The following CFAP20 variants were observed in gnomAD, a reference collection of about 807,000 sequenced individuals.
CFAP20 encodes cilia and flagella associated protein 20, also known as cilia- and flagella-associated protein 20.
In CFAP20, 14 loss-of-function variants were observed where a neutral mutation model predicts 25.5. The ratio of observed to expected loss-of-function variants is 0.55; its 90% CI spans 0.36 to 0.86. CFAP20 has a LOEUF of 0.86. CFAP20 is among the 40% of genes least tolerant of loss of function. The pLI, the probability that CFAP20 is intolerant of heterozygous loss-of-function variation, is 0.01. For missense variants in CFAP20, 181 were observed against 248.0 expected (o/e 0.73, Z 1.81); for synonymous variants, 75 against 91.1 (o/e 0.82, Z 1.01).
rs1038935437 is a variant in CFAP20 at position 58,115,169 on chromosome 16, C to G, written c.465+100G>C. 6.0e-6 allele frequency: 9 copies of G among 1,504,594 alleles called. No homozygotes were observed. In the Admixed American group the frequency reaches 8.4e-5, roughly 14 times the overall value. 93.2% of individuals were successfully genotyped at this position (1,504,594 alleles called of 1,614,324 possible). A position where few individuals can be genotyped will look rare whatever the true frequency, so the allele number is the denominator to read the frequency against. On this transcript the variant is annotated intron_variant, in intron 4 of 5. Coordinates refer to ENST00000262498, the MANE Select transcript of CFAP20 (RefSeq NM_013242.3). ...TCCCTGGACAGTGTGGCAACTGAAG[C>G]CAGAAACCCACACTGTTCTGCTATG...
Position 58,115,255 on chromosome 16 carries a change from GA to G in CFAP20, c.465+13del. ...ATCCCCAACCCAGGGCTCTATCTGG[GA>G]AAGGAGCAGTACCTGCACTCTGAGG... On this transcript the variant is annotated intron_variant, in intron 4 of 5. Transcript: ENST00000262498. The G allele has an allele frequency of 6.2e-7, 1 of 1,614,072 alleles. No individual in the cohort carries two copies. The highest frequency in any genetic ancestry group is 1.3e-5 in the African/African-American group (1 of 75,032).
In CFAP20 at chr16:58,129,351, G is replaced by T. The variant is rs776142038; in HGVS notation, c.-236C>A. 2 of 499,080 alleles carry T rather than the reference G, an allele frequency of 4.0e-6. No individual in the cohort carries two copies. The highest frequency in any genetic ancestry group is 1.9e-5 in the African/African-American group (1 of 51,416). The allele number at this position is 499,080 out of a possible 1,614,324, so 30.9% of individuals were successfully genotyped here. A position where few individuals can be genotyped will look rare whatever the true frequency, so the allele number is the denominator to read the frequency against. ...CAGAACGGAAACCACAGCAACTACCGTCCGCGCCGCGGTATTTCCCCGCCT... is the reference window on the plus strand; with the variant it reads ...CAGAACGGAAACCACAGCAACTACCTTCCGCGCCGCGGTATTTCCCCGCCT... On this transcript the variant is annotated 5_prime_UTR_variant, in exon 1 of 6. Coordinates refer to ENST00000262498, the MANE Select transcript of CFAP20 (RefSeq NM_013242.3).
At chr16:58,117,174 C>T (rs1383165885) in intron 1 of CFAP20, 1 of 539,088 alleles carries the variant, frequency 1.9e-6, no homozygotes, top group African/African-American at 1.9e-5. Context: ...GGAAACTTCT[C>T]CCCAAATACA....
intron 1 of CFAP20, among the ~76,000 whole-genome samples, chr16:58,122,246 AC>A (rs1450234695): frequency 6.6e-6 from 1 of 152,228 alleles, no homozygotes; most frequent in Admixed American, 6.5e-5. Context: ...CAGCGTAAGG[AC>A]AATTATGTGC....
intron 1 of CFAP20, among the ~76,000 whole-genome samples, chr16:58,121,183 T>G (rs1344212855): frequency 6.6e-6 from 1 of 152,178 alleles, no homozygotes; most frequent in African/African-American, 2.4e-5. Context: ...CATGTGGCTG[T>G]CATTGCCTAA....
At chr16:58,124,632 A>G (rs1156981596) in intron 1 of CFAP20, among the ~76,000 whole-genome samples, 1 of 152,244 alleles carries the variant, frequency 6.6e-6, no homozygotes, top group Non-Finnish European at 1.5e-5. Context: ...AAGGTACAGT[A>G]CTGTATAAAC....
intron 1 of CFAP20, among the ~76,000 whole-genome samples, chr16:58,124,617 T>C (rs1236192184): frequency 1.3e-5 from 2 of 152,110 alleles, no homozygotes; most frequent in East Asian, 1.9e-4. Context: ...TGTCTAAACA[T>C]AGAAAAGGTA....
chr16:58,126,737 G>T (rs1452863689), intron 1 of CFAP20, among the ~76,000 whole-genome samples: 1 of 152,194 alleles, frequency 6.6e-6, no homozygotes, highest in African/African-American at 2.4e-5. Flanking sequence ...CACAAAGCCT[G>T]TCACTAAGCT....
chr16:58,127,775 T>C (rs1960637618), intron 1 of CFAP20, among the ~76,000 whole-genome samples: 2 of 152,174 alleles, frequency 1.3e-5, no homozygotes, highest in South Asian at 4.1e-4. Context: ...AACTATCTTA[T>C]GAAAGTAACA....
intron 1 of CFAP20, among the ~76,000 whole-genome samples, chr16:58,118,918 C>G (rs574963093): frequency 6.6e-6 from 1 of 152,230 alleles, no homozygotes; most frequent in South Asian, 2.1e-4. Flanking sequence ...CAGGAGACAT[C>G]AGAAAGACAA....
chr16:58,125,018 TTA>T (rs2142369945), intron 1 of CFAP20, among the ~76,000 whole-genome samples: 1 of 152,376 alleles, frequency 6.6e-6, no homozygotes, highest in African/African-American at 2.4e-5. Context: ...TTAAAAACTT[TTA>T]GACTATTTTG....
intron 1 of CFAP20, among the ~76,000 whole-genome samples, chr16:58,127,162 A>G (rs1960626297): frequency 6.6e-6 from 1 of 152,208 alleles, no homozygotes; most frequent in Non-Finnish European, 1.5e-5. Flanking sequence ...ACAGTGCACC[A>G]TGGTTACTAT....
chr16:58,117,023 C>A, intron 1 of CFAP20, 72 bp from the exon 2 acceptor site: 2 of 1,424,090 alleles, frequency 1.4e-6, no homozygotes, highest in African/African-American at 1.4e-5. Context: ...AAGAAAACCA[C>A]GGTAGCCCAA....
chr16:58,117,910 A>G (rs1960480684), intron 1 of CFAP20, among the ~76,000 whole-genome samples: 1 of 152,198 alleles, frequency 6.6e-6, no homozygotes, highest in Admixed American at 6.5e-5. Context: ...TCTGTGCCAC[A>G]CACAGATGCC....
At position 58,116,156 on chromosome 16, in the gene CFAP20, T is replaced by C. The variant is rs377474377; in HGVS notation, c.165-4A>G. ...AGGGCATGTGATATATGTGGTGCTG[T>C]AGAGAGAGGAAATACTAATAAACAC... is the stretch of plus-strand genomic sequence containing the variant. On this transcript the variant is annotated splice_polypyrimidine_tract_variant and splice_region_variant and intron_variant, in intron 2 of 5. Coordinates refer to ENST00000262498, the MANE Select transcript of CFAP20 (RefSeq NM_013242.3). 3.7e-4 allele frequency: 588 copies of C among 1,592,674 alleles called. 1 individual carries two copies. The highest frequency in any genetic ancestry group is 1.5e-3 in the South Asian group (140 of 90,658).
chr16:58,115,618 G>GCC, intron 3 of CFAP20, 161 bp from the exon 4 acceptor site: 2 of 779,822 alleles, frequency 2.6e-6, no homozygotes, highest in Non-Finnish European at 4.1e-6. Context: ...CATGCAGATG[G>GCC]CCCGGAAGTA....
At chr16:58,128,774 C>T (rs951094033) in intron 1 of CFAP20, among the ~76,000 whole-genome samples, 5 of 152,016 alleles carry the variant, frequency 3.3e-5, no homozygotes, top group Non-Finnish European at 7.4e-5. Flanking sequence ...GGTCGCGGTC[C>T]TAACCACACC....
At chr16:58,115,746 A>G (rs1960449189) in intron 3 of CFAP20, 1 of 529,516 alleles carries the variant, frequency 1.9e-6, no homozygotes, top group African/African-American at 1.9e-5. Flanking sequence ...AATCAGAAAT[A>G]CTAAAACAGA....
intron 1 of CFAP20, among the ~76,000 whole-genome samples, chr16:58,125,239 C>T (rs976170089): frequency 2.6e-5 from 4 of 152,216 alleles, no homozygotes; most frequent in African/African-American, 9.7e-5. Context: ...CACATGCTGT[C>T]CCACTGGAAG....
Sources: gnomAD v4.1 joint callset for allele counts (sites outside exome capture counted in the v4.1 genomes callset) on GRCh38, gnomAD v4.1.1 for gene constraint, MANE v1.5 for transcripts, NCBI Gene and HGNC (gene_info 2026-07-23, HGNC 2026-07-21) for gene names.